Variants in RBM46 observed in about 807,000 individuals in gnomAD.
RBM46 encodes the protein RNA binding motif protein 46.
RBM46 carries 12 observed loss-of-function variants against 43.3 expected under a neutral mutation model. The ratio of observed to expected loss-of-function variants is 0.28; its 90% CI spans 0.18 to 0.45. The LOEUF (loss-of-function observed/expected upper bound fraction) is 0.45, where lower values mean the gene tolerates loss of function less well. Among genes scored for constraint, RBM46 ranks in the 20% least tolerant of loss-of-function variants. The pLI, the probability that RBM46 is intolerant of heterozygous loss-of-function variation, is 1.00. For synonymous variants in RBM46, 205 were observed against 207.6 expected, an observed-to-expected ratio of 0.99 and a Z score of 0.11; for missense variants, 412 against 639.1, an observed-to-expected ratio of 0.64 and a Z score of 3.83.
At chr4:154,788,595 T>C (rs761199420) in intron 1 of RBM46, among the ~76,000 whole-genome samples, 22 of 152,210 alleles carry the variant, frequency 1.4e-4, no homozygotes, top group Non-Finnish European at 2.8e-4. Flanking sequence ...TGTGGCCTTA[T>C]ATAGTTTGAA....
intron 4 of RBM46, among the ~76,000 whole-genome samples, chr4:154,817,631 C>T (rs931273218): frequency 3.3e-5 from 5 of 151,946 alleles, no homozygotes; most frequent in Non-Finnish European, 4.4e-5. Context: ...CATGCCTGGC[C>T]TTGTGTTCCA....
chr4:154,804,159 A>G (rs1464473415), intron 4 of RBM46, among the ~76,000 whole-genome samples: 1 of 152,172 alleles, frequency 6.6e-6, no homozygotes, highest in African/African-American at 2.4e-5. Flanking sequence ...CTGTGAGCCA[A>G]TTAAACCTCT....
intron 1 of RBM46, among the ~76,000 whole-genome samples, chr4:154,793,739 A>G (rs1363684061): frequency 1.3e-5 from 2 of 152,182 alleles, no homozygotes; most frequent in Non-Finnish European, 2.9e-5. Flanking sequence ...AAAATTTGGT[A>G]TAACTAGGCA....
chr4:154,817,337 T>C (rs1055790469), intron 4 of RBM46, among the ~76,000 whole-genome samples: 3 of 149,202 alleles, frequency 2.0e-5, no homozygotes, highest in South Asian at 2.1e-4. Flanking sequence ...CTTTCTTTTT[T>C]TTTTTTTTTT....
chr4:154,815,931 C>T (rs1330007234), intron 4 of RBM46, among the ~76,000 whole-genome samples: 1 of 151,976 alleles, frequency 6.6e-6, no homozygotes, highest in Admixed American at 6.6e-5. Context: ...GTATCAGAGT[C>T]CGCCCCGCTC....
At chr4:154,797,675 G>T (rs753666818) in intron 2 of RBM46, 136 bp from the exon 3 acceptor site, 1 of 522,662 alleles carries the variant, frequency 1.9e-6, no homozygotes, top group Non-Finnish European at 3.3e-6. Flanking sequence ...GCTTTATTTT[G>T]TCCACTGTTG....
intron 4 of RBM46, among the ~76,000 whole-genome samples, chr4:154,805,440 G>A (rs990463892): frequency 2.0e-5 from 3 of 151,922 alleles, no homozygotes; most frequent in Non-Finnish European, 4.4e-5. Flanking sequence ...TTGAAATGGC[G>A]TACATCAGTA....
intron 1 of RBM46, among the ~76,000 whole-genome samples, chr4:154,791,328 A>G (rs1167965987): frequency 1.3e-5 from 2 of 152,158 alleles, no homozygotes; most frequent in African/African-American, 4.8e-5. Context: ...ACAATGTTTT[A>G]AGGGATGCCA....
intron 4 of RBM46, among the ~76,000 whole-genome samples, chr4:154,822,173 A>G (rs1208611539): frequency 6.6e-6 from 1 of 151,744 alleles, no homozygotes; most frequent in Non-Finnish European, 1.5e-5. Context: ...TTATGTCTAC[A>G]TCTATGAAAT....
intron 2 of RBM46, among the ~76,000 whole-genome samples, 174 bp from the exon 3 acceptor site, chr4:154,797,637 A>G (rs576767086): frequency 4.6e-5 from 7 of 151,092 alleles, no homozygotes; most frequent in Non-Finnish European, 7.4e-5. Context: ...TCCCTTCTCT[A>G]TTGAATATTA....
chr4:154,797,687 A>G, intron 2 of RBM46, 124 bp from the exon 3 acceptor site: 2 of 575,318 alleles, frequency 3.5e-6, no homozygotes. Context: ...CCACTGTTGT[A>G]TCACCAATAC....
intron 4 of RBM46, among the ~76,000 whole-genome samples, chr4:154,822,708 T>G (rs1735778064): frequency 6.6e-6 from 1 of 151,728 alleles, no homozygotes; most frequent in African/African-American, 2.4e-5. Context: ...TTAAAAAAAT[T>G]TCAATACAGA....
At chr4:154,783,825 CAACTT>C (rs1416198212) in intron 1 of RBM46, among the ~76,000 whole-genome samples, 1 of 152,110 alleles carries the variant, frequency 6.6e-6, no homozygotes, top group Non-Finnish European at 1.5e-5. Context: ...TTAATAAAAA[CAACTT>C]AAAATGGAAT....
At chr4:154,807,366 C>A (rs375356010) in intron 4 of RBM46, among the ~76,000 whole-genome samples, 3 of 151,300 alleles carry the variant, frequency 2.0e-5, no homozygotes, top group Admixed American at 1.3e-4. Context: ...TCAGAAAAAT[C>A]TCTGTGAAAT....
intron 1 of RBM46, among the ~76,000 whole-genome samples, chr4:154,782,176 G>A (rs156546): frequency 0.13 from 20,401 of 152,144 alleles, 3,228 homozygotes; most frequent in African/African-American, 0.38. Flanking sequence ...TCGTGGCACC[G>A]CCTTTGTTTC....
rs951534406 is a variant in RBM46 at position 154,798,004 on chromosome 4, A to G, written c.345A>G (p.Gln115=). ...TGTACACTACAAAAGAAGAAGCCCA[A>G]TTAGCCATCAGAATTCTTAATAATT... The part of the protein sequence containing the change: ...FVMYTTKEEA[Q]LAIRILNNYE... Residue 115 remains glutamine, a synonymous_variant, in exon 3 of 5, where the codon CAA becomes CAG. Coordinates refer to ENST00000281722, the MANE Select transcript of RBM46 (RefSeq NM_144979.5). 4.3e-6 allele frequency: 7 copies of G among 1,613,306 alleles called. No homozygotes were observed. Among genetic ancestry groups the G allele is most frequent in the Non-Finnish European group, 5.9e-6 (7 of 1,179,836 alleles).
chr4:154,824,802 T>C (rs548376956), intron 4 of RBM46, among the ~76,000 whole-genome samples: 62 of 152,170 alleles, frequency 4.1e-4, no homozygotes, highest in African/African-American at 1.4e-3. Flanking sequence ...AAATACTTAA[T>C]GCATATTATA....
intron 4 of RBM46, among the ~76,000 whole-genome samples, chr4:154,806,356 A>C (rs776218371): frequency 2.0e-5 from 3 of 151,836 alleles, no homozygotes; most frequent in Non-Finnish European, 4.4e-5. Flanking sequence ...TGGCAAATGA[A>C]TTGTTTAGTC....
chr4:154,816,744 T>A (rs1049504403), intron 4 of RBM46, among the ~76,000 whole-genome samples: 1 of 152,100 alleles, frequency 6.6e-6, no homozygotes, highest in African/African-American at 2.4e-5. Flanking sequence ...GAATACAAAT[T>A]ATGATAAAAA....
Sources: gnomAD v4.1 joint callset for allele counts (sites outside exome capture counted in the v4.1 genomes callset) on GRCh38, gnomAD v4.1.1 for gene constraint, MANE v1.5 for transcripts, NCBI Gene and HGNC (gene_info 2026-07-23, HGNC 2026-07-21) for gene names.